RAB8A: variants seen among roughly 807,000 people sequenced by gnomAD.
RAB8A encodes the protein RAB8A, member RAS oncogene family.
In RAB8A, 5 loss-of-function variants were observed where a neutral mutation model predicts 29.2. That is an observed-to-expected ratio of 0.17 (90% CI 0.09 to 0.36). RAB8A has a LOEUF of 0.36. Ranked by LOEUF, RAB8A falls within the 10% of genes least tolerant of loss-of-function variation. The pLI is 1.00. For missense variants in RAB8A, 171 were observed against 272.2 expected, an observed-to-expected ratio of 0.63 and a Z score of 2.62; for synonymous variants, 108 against 99.9, an observed-to-expected ratio of 1.08 and a Z score of -0.49.
intron 2 of RAB8A, among the ~76,000 whole-genome samples, chr19:16,120,276 G>A (rs1393718139): frequency 6.6e-6 from 1 of 151,010 alleles, no homozygotes; most frequent in Non-Finnish European, 1.5e-5. Context: ...CCTGAGTCTT[G>A]CCCTGGCTCT....
At chr19:16,114,779 G>C (rs111324948) in intron 1 of RAB8A, among the ~76,000 whole-genome samples, 1 of 151,962 alleles carries the variant, frequency 6.6e-6, no homozygotes, top group Non-Finnish European at 1.5e-5. Context: ...ACCTAGCAAG[G>C]TGGAGGTGGC....
At position 16,122,613 on chromosome 19, in the gene RAB8A, G is replaced by A. The variant is rs775093726; in HGVS notation, c.246+803G>A. ...CCATCATTTAATTGCTCAGGCAGCT[G>A]CCTGTTTCCTCGATGAGGGCAGCGC... On this transcript the variant is annotated intron_variant, in intron 3 of 7. Transcript: ENST00000300935. The surrounding 1 kb of genome is among the most constrained non-coding windows in gnomAD (Gnocchi z 4.7). Among the ~76,000 whole-genome samples the A allele has an allele frequency of 6.6e-6, 1 of 152,196 alleles. No individual in the cohort carries two copies. The highest frequency in any genetic ancestry group is 1.5e-5 in the Non-Finnish European group (1 of 68,024).
chr19:16,120,770 C>T (rs2144988548), intron 2 of RAB8A, among the ~76,000 whole-genome samples: 1 of 152,076 alleles, frequency 6.6e-6, no homozygotes, highest in South Asian at 2.1e-4. Flanking sequence ...GCCATCATGC[C>T]CGCCTAATTT....
At chr19:16,124,954 C>T (rs1012601363) in intron 3 of RAB8A, 2 of 195,592 alleles carry the variant, frequency 1.0e-5, no homozygotes, top group Admixed American at 1.1e-4. Flanking sequence ...AGCCGGTTCC[C>T]TCTGTGGTGG....
chr19:16,127,927 TC>T lies in RAB8A; in HGVS notation c.415-96del. On this transcript the variant is annotated intron_variant, in intron 5 of 7. Transcript: ENST00000300935. The surrounding 1 kb of genome is among the most constrained non-coding windows in gnomAD (Gnocchi z 4.8). ...CCCACAGCCCCAGCCCTGTTGCTGC[TC>T]CCTCTTGGCGCCGGCCCTGCCTTCA... is the stretch of plus-strand genomic sequence containing the variant. 1.6e-6 allele frequency: 2 copies of T among 1,252,334 alleles called. No homozygotes were observed. The highest frequency in any genetic ancestry group is 2.3e-6 in the Non-Finnish European group (2 of 855,860). The allele number at this position is 1,252,334 out of a possible 1,614,324, so 77.6% of individuals were successfully genotyped here.
chr19:16,129,023 G>A (rs947348983), intron 6 of RAB8A, among the ~76,000 whole-genome samples: 1 of 152,158 alleles, frequency 6.6e-6, no homozygotes, highest in African/African-American at 2.4e-5. Context: ...ACCTGCTCCC[G>A]CTCCCAGCCC....
intron 6 of RAB8A, 28 bp downstream of exon 6, chr19:16,128,119 T>G: frequency 6.2e-7 from 1 of 1,609,756 alleles, no homozygotes; most frequent in Non-Finnish European, 8.5e-7. Flanking sequence ...CTGGGAGACA[T>G]GGGGCCTGCA....
chr19:16,128,649 T>A (rs1035363444), intron 6 of RAB8A, among the ~76,000 whole-genome samples: 3 of 152,204 alleles, frequency 2.0e-5, no homozygotes, highest in African/African-American at 7.2e-5. Context: ...CTAGACTCCT[T>A]GCCTGGCGTG....
At chr19:16,128,916 TG>T (rs1761597230) in intron 6 of RAB8A, among the ~76,000 whole-genome samples, 1 of 152,150 alleles carries the variant, frequency 6.6e-6, no homozygotes, top group Admixed American at 6.5e-5. Context: ...TCCCACATCA[TG>T]GGGATGTATG....
At position 16,127,594 on chromosome 19, in the gene RAB8A, T is replaced by C; in HGVS notation, c.414+68T>C. ...GGGTTCTTGTGCAGAGGCCTTCCCC[T>C]GTCCCTCCTCTGCCCCAGGGGCCTG... On this transcript the variant is annotated intron_variant, in intron 5 of 7. Transcript: ENST00000300935. This position sits in a 1 kb window ranked among gnomAD's most constrained non-coding sequence, Gnocchi z 4.8. 8.0e-7 allele frequency: 1 copy of C among 1,246,116 alleles called. No individual in the cohort carries two copies. Among genetic ancestry groups the C allele is most frequent in the Non-Finnish European group, 1.1e-6 (1 of 916,330 alleles). The allele number at this position is 1,246,116 out of a possible 1,614,324, so 77.2% of individuals were successfully genotyped here. A position where few individuals can be genotyped will look rare whatever the true frequency, so the allele number is the denominator to read the frequency against.
chr19:16,131,860 T>A (rs1296468599), intron 7 of RAB8A, among the ~76,000 whole-genome samples: 17 of 37,482 alleles, frequency 4.5e-4, no homozygotes, highest in African/African-American at 1.9e-3. Flanking sequence ...GGATGGTTGG[T>A]TGGTTGGTTG....
intron 1 of RAB8A, among the ~76,000 whole-genome samples, chr19:16,113,617 G>C (rs1019976164): frequency 1.3e-5 from 2 of 152,152 alleles, no homozygotes; most frequent in African/African-American, 2.4e-5. Context: ...GGTCAGGCTG[G>C]TCTCGAACTC....
At chr19:16,115,324 G>A (rs2090841781) in intron 1 of RAB8A, among the ~76,000 whole-genome samples, 1 of 152,050 alleles carries the variant, frequency 6.6e-6, no homozygotes, top group African/African-American at 2.4e-5. Context: ...TTGGCTGAGT[G>A]TACCTCTGGG....
In RAB8A at chr19:16,134,019, C is replaced by G. The variant is rs962416466; in HGVS notation, c.*1715C>G. On this transcript the variant is annotated 3_prime_UTR_variant, in exon 8 of 8. Transcript: ENST00000300935. ...GGCTTTCCAGGGCATTCCTTCCACT[C>G]TATCCAGGGTCCTTCCCAAGACCAC... 2 of 152,366 alleles carry G rather than the reference C, an allele frequency of 1.3e-5. No individual in the cohort carries two copies. The highest frequency in any genetic ancestry group is 4.8e-5 in the African/African-American group (2 of 41,442). 9.4% of individuals were successfully genotyped at this position (152,366 alleles called of 1,614,324 possible).
intron 7 of RAB8A, among the ~76,000 whole-genome samples, chr19:16,131,240 G>C (rs1328333220): frequency 6.6e-6 from 1 of 152,210 alleles, no homozygotes; most frequent in East Asian, 1.9e-4. Context: ...GTATGATGGG[G>C]TGGGCAGATA....
Position 16,132,145 on chromosome 19 carries a change from G to A in RAB8A, c.532-67G>A. On this transcript the variant is annotated intron_variant, in intron 7 of 7. Coordinates refer to ENST00000300935, the MANE Select transcript of RAB8A (RefSeq NM_005370.5). This position sits in a 1 kb window ranked among gnomAD's most constrained non-coding sequence, Gnocchi z 5.6. ...GGTTAGGTGGATGGTTAGGTGGATG[G>A]CTGGTTGATTGTGAGACGTAGTGCT... is the stretch of plus-strand genomic sequence containing the variant. 4 of 1,244,766 alleles carry A rather than the reference G, an allele frequency of 3.2e-6. No homozygotes were observed. Among genetic ancestry groups the A allele is most frequent in the South Asian group, 1.2e-5 (1 of 82,360 alleles). 77.1% of individuals were successfully genotyped at this position (1,244,766 alleles called of 1,614,324 possible).
At chr19:16,118,578 G>A (rs964209640) in intron 2 of RAB8A, among the ~76,000 whole-genome samples, 4 of 152,212 alleles carry the variant, frequency 2.6e-5, no homozygotes, top group African/African-American at 9.6e-5. Flanking sequence ...CTTCAGAGTG[G>A]GCTGCTTCTG....
At chr19:16,120,997 G>C (rs1183147557) in intron 2 of RAB8A, among the ~76,000 whole-genome samples, 2 of 149,400 alleles carry the variant, frequency 1.3e-5, no homozygotes, top group African/African-American at 4.9e-5. Context: ...GCTCACTGCA[G>C]CCTCCACCTC....
At chr19:16,121,578 G>A (rs1357284276) in intron 2 of RAB8A, among the ~76,000 whole-genome samples, 172 bp from the exon 3 acceptor site, 1 of 152,178 alleles carries the variant, frequency 6.6e-6, no homozygotes, top group African/African-American at 2.4e-5. Context: ...CCAGGCCACA[G>A]TGTCCTTCCC....
Sources: allele counts gnomAD v4.1 joint callset (sites outside exome capture counted in the v4.1 genomes callset), GRCh38; gene constraint gnomAD v4.1.1; non-coding constraint Gnocchi (gnomAD v3.1); transcripts MANE v1.5; gene names NCBI Gene and HGNC (gene_info 2026-07-23, HGNC 2026-07-21).